The following INAVA variants were observed in gnomAD, a reference collection of about 807,000 sequenced individuals.
INAVA encodes the protein innate immunity activator protein.
Under a neutral mutation model 55.3 loss-of-function variants are expected in INAVA, and 32 were observed. That is an observed-to-expected ratio of 0.58 (90% CI 0.44 to 0.78). The LOEUF (loss-of-function observed/expected upper bound fraction) is 0.78. Among genes scored for constraint, INAVA ranks in the 30% least tolerant of loss-of-function variants. The pLI is 0.00. For missense variants in INAVA, 756 were observed against 786.4 expected, an observed-to-expected ratio of 0.96 and a Z score of 0.46; for synonymous variants, 294 against 329.4, an observed-to-expected ratio of 0.89 and a Z score of 1.16.
chr1:200,911,828 G>A lies in INAVA; in HGVS notation c.1335G>A (p.Leu445=). The A allele has an allele frequency of 1.2e-6, 2 of 1,602,630 alleles. No homozygotes were observed. Among genetic ancestry groups the A allele is most frequent in the Non-Finnish European group, 1.7e-6 (2 of 1,177,496 alleles). The change falls in exon 9 of 10, where the codon CTG becomes CTA. Residue 445 remains leucine, a synonymous_variant. Coordinates refer to ENST00000413687, the MANE Select transcript of INAVA (RefSeq NM_001142569.3). ...ACGTGGTGGTGGCTGAGAGCCCCCTGCCGCCTGGCGAGTGGGAGCTGCGCC... is the reference window on the plus strand; with the variant it reads ...ACGTGGTGGTGGCTGAGAGCCCCCTACCGCCTGGCGAGTGGGAGCTGCGCC... ...GRYVVVAESP[L]PPGEWELRRA... is the part of the protein sequence containing the mutation.
chr1:200,910,108 G>A (rs886658601), intron 8 of INAVA, among the ~76,000 whole-genome samples: 8 of 152,096 alleles, frequency 5.3e-5, no homozygotes, highest in African/African-American at 1.9e-4. Flanking sequence ...ATTTTAAACA[G>A]CAGAATCACT....
intron 5 of INAVA, among the ~76,000 whole-genome samples, chr1:200,904,907 A>G (rs1653419233): frequency 6.6e-6 from 1 of 152,028 alleles, no homozygotes; most frequent in East Asian, 1.9e-4. Flanking sequence ...ATTAAAACAA[A>G]ACAAAACAAA....
intron 1 of INAVA, among the ~76,000 whole-genome samples, chr1:200,897,581 G>A (rs979248903): frequency 4.6e-5 from 7 of 152,162 alleles, no homozygotes; most frequent in African/African-American, 1.4e-4. Flanking sequence ...ACACCTCCTG[G>A]GTTCTTGGGT....
In INAVA at chr1:200,898,456, G is replaced by A; in HGVS notation, c.55+1G>A. The A allele has an allele frequency of 3.1e-6, 5 of 1,613,764 alleles. No homozygotes were observed. Among genetic ancestry groups the A allele is most frequent in the Non-Finnish European group, 4.2e-6 (5 of 1,179,868 alleles). ...GACAGTGGCATCATCCTGCAGTCTG[G>A]TGAGTGTTCAGGGAAATCCCCCTGC... is the stretch of plus-strand genomic sequence containing the variant. On this transcript the variant is annotated splice_donor_variant, in intron 2 of 9. Transcript: ENST00000413687. LOFTEE classifies it high-confidence loss of function.
At chr1:200,903,790 C>T (rs868552009) in intron 5 of INAVA, among the ~76,000 whole-genome samples, 7 of 117,202 alleles carry the variant, frequency 6.0e-5, no homozygotes, top group Admixed American at 4.7e-4. Flanking sequence ...GTGACAAGAG[C>T]GAAACTCTGT....
At chr1:200,893,189 A>G (rs538527827), upstream of INAVA, among the ~76,000 whole-genome samples, 1 of 152,368 alleles carries the variant, frequency 6.6e-6, no homozygotes, top group Admixed American at 6.5e-5. Flanking sequence ...CACTGCAGTC[A>G]CAGCAGTCTT....
chr1:200,891,545 T>C, upstream of INAVA: 1 of 1,602,558 alleles, frequency 6.2e-7, no homozygotes, highest in Non-Finnish European at 8.5e-7. Context: ...TTTGGGATGC[T>C]GCAAATGCCG....
chr1:200,891,664 C>CA (rs1176197243), upstream of INAVA: 2 of 1,493,106 alleles, frequency 1.3e-6, no homozygotes, highest in Admixed American at 4.8e-5. Context: ...GTGGAGGGCG[C>CA]AGGGGCAGGC....
chr1:200,906,125 G>T (rs1653478788), intron 5 of INAVA: 1 of 152,238 alleles, frequency 6.6e-6, no homozygotes, highest in Non-Finnish European at 1.5e-5. Flanking sequence ...TGGCACAGTA[G>T]AAACATTAGC....
At chr1:200,908,983 A>G in intron 7 of INAVA, 43 bp downstream of exon 7, 1 of 1,574,386 alleles carries the variant, frequency 6.4e-7, no homozygotes. Context: ...CAGGGCAGGG[A>G]GTCGGTGGGA....
chr1:200,899,656 G>A (rs151134870), intron 3 of INAVA, 59 bp downstream of exon 3: 108 of 1,587,824 alleles, frequency 6.8e-5, no homozygotes, highest in Middle Eastern at 4.5e-4. Flanking sequence ...GTGGAGCCAC[G>A]TGTGGGGATG....
chr1:200,895,315 G>A (rs1244706026), intron 1 of INAVA, among the ~76,000 whole-genome samples: 1 of 152,050 alleles, frequency 6.6e-6, no homozygotes, highest in Non-Finnish European at 1.5e-5. Context: ...AGATGAGCTG[G>A]GACAGGCAGG....
intron 1 of INAVA, 60 bp from the exon 2 acceptor site, chr1:200,898,247 T>C (rs1401357431): frequency 1.3e-6 from 2 of 1,566,062 alleles, no homozygotes; most frequent in African/African-American, 2.7e-5. Flanking sequence ...TATTCAGCTT[T>C]TTGTAACCAA....
In INAVA at chr1:200,898,388, C is replaced by A. The variant is rs772819282; in HGVS notation, c.-13C>A. On this transcript the variant is annotated 5_prime_UTR_variant, in exon 2 of 10. Transcript: ENST00000413687. ...CCTCCCTGCTCTGTGCCCTCTCCTT[C>A]CAGAAATCCACCATGGAGAGTAAGG... 6.2e-7 allele frequency: 1 copy of A among 1,614,168 alleles called. No homozygotes were observed.
upstream of INAVA, among the ~76,000 whole-genome samples, chr1:200,892,709 T>C (rs1430939418): frequency 6.6e-6 from 1 of 152,044 alleles, no homozygotes; most frequent in Non-Finnish European, 1.5e-5. Context: ...GCCTCTGGAG[T>C]GCCCACCTCC....
At position 200,898,309 on chromosome 1, in the gene INAVA, G is replaced by T. The variant is rs768251172; in HGVS notation, c.-92G>T. The T allele has an allele frequency of 6.2e-7, 1 of 1,609,118 alleles. No homozygotes were observed. The highest frequency in any genetic ancestry group is 8.5e-7 in the Non-Finnish European group (1 of 1,178,734). On this transcript the variant is annotated splice_region_variant and 5_prime_UTR_variant, in exon 2 of 10. Transcript: ENST00000413687. ...ATTGTTCTCTTTTCTCTTTAAAGCT[G>T]GGGAAGCTCCAGGCTACCTACACAA...
intron 5 of INAVA, among the ~76,000 whole-genome samples, chr1:200,907,116 C>T (rs144968407): frequency 4.6e-5 from 7 of 152,238 alleles, no homozygotes; most frequent in African/African-American, 9.6e-5. Flanking sequence ...TGAACCACCG[C>T]GCCTGGCCAT....
At chr1:200,899,850 A>G (rs1653156953) in intron 3 of INAVA, among the ~76,000 whole-genome samples, 1 of 152,248 alleles carries the variant, frequency 6.6e-6, no homozygotes, top group South Asian at 2.1e-4. Context: ...CTGCACAGAC[A>G]TAAGTGCATA....
In INAVA at chr1:200,908,826, C is replaced by T; in HGVS notation, c.671C>T (p.Pro224Leu). 1.2e-6 allele frequency: 2 copies of T among 1,614,038 alleles called. No homozygotes were observed. Among genetic ancestry groups the T allele is most frequent in the Non-Finnish European group, 1.7e-6 (2 of 1,179,942 alleles). The change falls in exon 7 of 10, where the codon CCT (proline) becomes CTT (leucine). Residue 224 changes from proline (P) to leucine (L), a missense_variant. This residue lies in a region of INAVA where 639 missense variants were observed against 624.3 expected (regional missense o/e 1.02). Transcript: ENST00000413687. ...QTLEGLQPTG[P>L]EAGSPERAPV... Reference sequence around the variant, plus strand: ...CTTGAGGGTCTGCAGCCAACAGGACCTGAGGCTGGGAGCCCAGAACGGGCT... The same window carrying T: ...CTTGAGGGTCTGCAGCCAACAGGACTTGAGGCTGGGAGCCCAGAACGGGCT...
Sources: gnomAD v4.1 joint callset for allele counts (sites outside exome capture counted in the v4.1 genomes callset) on GRCh38, gnomAD v4.1.1 for gene constraint, gnomAD v4.1.1 regional missense constraint, MANE v1.5 for transcripts, NCBI Gene and HGNC (gene_info 2026-07-23, HGNC 2026-07-21) for gene names.